TRPC7: variants seen among roughly 807,000 people sequenced by gnomAD.
TRPC7 encodes the protein transient receptor potential cation channel subfamily C member 7, also known as short transient receptor potential channel 7.
In TRPC7, 42 loss-of-function variants were observed where a neutral mutation model predicts 90.1. That is an observed-to-expected ratio of 0.47 (90% CI 0.36 to 0.60). TRPC7 has a LOEUF of 0.60. Among genes scored for constraint, TRPC7 ranks in the 20% least tolerant of loss-of-function variants. The pLI, the probability that TRPC7 is intolerant of heterozygous loss-of-function variation, is 0.00. For synonymous variants in TRPC7, 451 were observed against 436.3 expected (o/e 1.03, Z -0.42); for missense variants, 955 against 1,112.3 (o/e 0.86, Z 2.01).
intron 3 of TRPC7, among the ~76,000 whole-genome samples, chr5:136,301,332 ATTTTTTTTTTT>A (rs368799815): frequency 5.8e-5 from 5 of 85,710 alleles, no homozygotes; most frequent in South Asian, 8.1e-4. Flanking sequence ...CAGCCCAGGC[ATTTTTTTTTTT>A]TTTTTTTTTT....
At chr5:136,282,576 A>T (rs898819027) in intron 3 of TRPC7, among the ~76,000 whole-genome samples, 8 of 152,168 alleles carry the variant, frequency 5.3e-5, no homozygotes, top group African/African-American at 1.9e-4. Context: ...ATATTGTTTT[A>T]TACTCAAAAT....
intron 6 of TRPC7, among the ~76,000 whole-genome samples, chr5:136,249,662 G>A (rs1380850258): frequency 6.6e-6 from 1 of 152,152 alleles, no homozygotes; most frequent in Non-Finnish European, 1.5e-5. Flanking sequence ...GACTTATATT[G>A]AAAAATATTA....
intron 1 of TRPC7, among the ~76,000 whole-genome samples, chr5:136,364,224 T>C (rs1760656294): frequency 6.6e-6 from 1 of 152,228 alleles, no homozygotes; most frequent in Non-Finnish European, 1.5e-5. Context: ...ATAGTTCTGA[T>C]TTTTTTCTGG....
intron 1 of TRPC7, among the ~76,000 whole-genome samples, chr5:136,357,900 C>A (rs998113642): frequency 6.6e-6 from 1 of 152,184 alleles, no homozygotes; most frequent in African/African-American, 2.4e-5. Context: ...TTCCCTCTTG[C>A]CTCTTTTTAT....
At position 136,357,062 on chromosome 5, in the gene TRPC7, G is replaced by A. The variant is rs932646076; in HGVS notation, c.326C>T (p.Ala109Val). 5.0e-6 allele frequency: 8 copies of A among 1,613,598 alleles called. No individual in the cohort carries two copies. The highest frequency in any genetic ancestry group is 6.8e-6 in the Non-Finnish European group (8 of 1,179,916). ...KKENLARVGDALLLAISKGYV... is the reference protein window; with the variant it reads ...KKENLARVGDVLLLAISKGYV... ...GCCCTTGCTGATGGCCAGCAGCAGC[G>A]CGTCCCCCACCCGTGCCAGGTTCTC... Residue 109 changes from alanine to valine, a missense_variant, in exon 2 of 12, where the codon GCG becomes GTG. Physicochemically the swap from Ala to Val is moderately conservative, Grantham distance 64. Transcript: ENST00000513104.
chr5:136,279,023 C>T (rs925290336), intron 3 of TRPC7, among the ~76,000 whole-genome samples: 3 of 152,046 alleles, frequency 2.0e-5, no homozygotes, highest in East Asian at 1.9e-4. Context: ...GGAAGTCTAC[C>T]GGGCAGCAAA....
At chr5:136,287,139 C>A (rs1488239305) in intron 3 of TRPC7, among the ~76,000 whole-genome samples, 1 of 152,104 alleles carries the variant, frequency 6.6e-6, no homozygotes, top group Non-Finnish European at 1.5e-5. Flanking sequence ...GTCTGAATAA[C>A]CTTCCTGGGA....
chr5:136,333,642 G>A (rs1044822323), intron 2 of TRPC7, among the ~76,000 whole-genome samples: 1 of 152,134 alleles, frequency 6.6e-6, no homozygotes, highest in Non-Finnish European at 1.5e-5. Flanking sequence ...AGAATCTGTT[G>A]GAATCATCTG....
chr5:136,270,186 G>A (rs1022597899), intron 4 of TRPC7, among the ~76,000 whole-genome samples: 10 of 152,192 alleles, frequency 6.6e-5, no homozygotes, highest in Non-Finnish European at 1.2e-4. Flanking sequence ...GCGCGCACAC[G>A]TGGGCGGTGC....
chr5:136,314,301 G>T (rs1006443108), intron 3 of TRPC7: 1 of 152,192 alleles, frequency 6.6e-6, no homozygotes, highest in African/African-American at 2.4e-5. Context: ...CAAGGGAAAG[G>T]ATATCTCAGC....
chr5:136,354,340 G>A (rs1308027250), intron 2 of TRPC7, among the ~76,000 whole-genome samples: 3 of 152,172 alleles, frequency 2.0e-5, no homozygotes, highest in Admixed American at 1.3e-4. Context: ...TTTTTCAGAT[G>A]AGACCATACA....
chr5:136,336,264 G>A lies in TRPC7; in HGVS notation c.780+20344C>T, dbSNP rs555105824. 2.0e-5 allele frequency among the ~76,000 whole-genome samples: 3 copies of A among 151,986 alleles called. No homozygotes were observed. In the South Asian group the frequency reaches 6.2e-4, roughly 32 times the overall value. ...CACTGTGATAATCTCTTTACACTCC[G>A]GTCCCCCACTTGCTTTGAGGACAGG... On this transcript the variant is annotated intron_variant, in intron 2 of 11. Coordinates refer to ENST00000513104, the MANE Select transcript of TRPC7 (RefSeq NM_020389.3).
chr5:136,258,328 T>G (rs1438344767), intron 5 of TRPC7, among the ~76,000 whole-genome samples: 1 of 152,194 alleles, frequency 6.6e-6, no homozygotes, highest in East Asian at 1.9e-4. Context: ...AAATTAAGTA[T>G]TTTAGTGAGT....
intron 2 of TRPC7, among the ~76,000 whole-genome samples, chr5:136,350,957 A>C (rs2149857937): frequency 6.6e-6 from 1 of 152,308 alleles, no homozygotes; most frequent in Non-Finnish European, 1.5e-5. Context: ...CTCCCTACCA[A>C]AATCTGAGGG....
rs75193302 is a variant in TRPC7 at position 136,227,792 on chromosome 5, G to A, written c.2041-1537C>T. Reference sequence around the variant, plus strand: ...ACCATGGCAGGTGATGGACCACTCTGGGCCTTAGTTTCCTCATCTGTAATA... The same window carrying A: ...ACCATGGCAGGTGATGGACCACTCTAGGCCTTAGTTTCCTCATCTGTAATA... On this transcript the variant is annotated intron_variant, in intron 8 of 11. Transcript: ENST00000513104. Among the ~76,000 whole-genome samples, 83 of 152,306 alleles carry A rather than the reference G, an allele frequency of 5.4e-4. No homozygotes were observed. In the East Asian group the frequency reaches 8.5e-3, roughly 16 times the overall value.
chr5:136,295,655 C>A (rs1007893991), intron 3 of TRPC7, among the ~76,000 whole-genome samples: 2 of 152,148 alleles, frequency 1.3e-5, no homozygotes, highest in Non-Finnish European at 2.9e-5. Flanking sequence ...CCAGTTCCCT[C>A]CCTCATCTAA....
chr5:136,331,624 C>G (rs574956993), intron 2 of TRPC7, among the ~76,000 whole-genome samples: 200 of 152,300 alleles, frequency 1.3e-3, no homozygotes, highest in Non-Finnish European at 2.4e-3. Context: ...TCTGTTAGCT[C>G]AAAAGCTTGA....
chr5:136,301,332 AT>A (rs368799815), intron 3 of TRPC7, among the ~76,000 whole-genome samples: 2,212 of 85,596 alleles, frequency 0.026, 25 homozygotes, highest in Non-Finnish European at 0.027. Context: ...CAGCCCAGGC[AT>A]TTTTTTTTTT....
At chr5:136,342,574 C>G (rs2149853198) in intron 2 of TRPC7, among the ~76,000 whole-genome samples, 1 of 152,328 alleles carries the variant, frequency 6.6e-6, no homozygotes, top group South Asian at 2.1e-4. Context: ...TTGACCCTGC[C>G]TCAGTCCCTG....
Sources: allele counts gnomAD v4.1 joint callset (sites outside exome capture counted in the v4.1 genomes callset), GRCh38; gene constraint gnomAD v4.1.1; transcripts MANE v1.5; gene names NCBI Gene and HGNC (gene_info 2026-07-23, HGNC 2026-07-21).